Variants in STK38L observed in about 807,000 individuals in gnomAD.
STK38L encodes the protein serine/threonine-protein kinase 38-like.
A neutral mutation model predicts 59.7 loss-of-function variants in STK38L; 28 were observed. That is an observed-to-expected ratio of 0.47 (90% CI 0.35 to 0.64). The LOEUF (loss-of-function observed/expected upper bound fraction) is 0.64. Ranked by LOEUF, STK38L falls within the 30% of genes least tolerant of loss-of-function variation. The probability of loss-of-function intolerance (pLI) is 0.01; values close to 1 mark genes in which losing one functional copy is unlikely to be tolerated. For synonymous variants in STK38L, 162 were observed against 176.8 expected, an observed-to-expected ratio of 0.92 and a Z score of 0.66; for missense variants, 314 against 555.8, an observed-to-expected ratio of 0.56 and a Z score of 4.37.
Position 27,324,262 on chromosome 12 carries a change from C to T in STK38L, c.*1807C>T, listed in dbSNP as rs1944793924. The stretch of plus-strand genomic sequence containing the variant: ...GAGCTATTAAAAACTGGGGATTTCT[C>T]AATGTGACTAACTCTAATTTTTCTA... On this transcript the variant is annotated 3_prime_UTR_variant, in exon 14 of 14. Coordinates refer to ENST00000389032, the MANE Select transcript of STK38L (RefSeq NM_015000.4). 6.6e-6 allele frequency: 1 copy of T among 152,026 alleles called. No individual in the cohort carries two copies. The highest frequency in any genetic ancestry group is 2.1e-4 in the South Asian group (1 of 4,818). The allele number at this position is 152,026 out of a possible 1,614,324, so 9.4% of individuals were successfully genotyped here.
In STK38L at chr12:27,297,743, C is replaced by T; in HGVS notation, c.23C>T (p.Thr8Ile). MAMTAGT[T>I]TTFPMSNHTR... ...ACTATGGCAATGACGGCAGGGACTA[C>T]AACAACCTTTCCTATGAGCAACCAT... Residue 8 changes from threonine to isoleucine, a missense_variant, in exon 2 of 14, where the codon ACA (threonine) becomes ATA (isoleucine). Coordinates refer to ENST00000389032, the MANE Select transcript of STK38L (RefSeq NM_015000.4). 13 of 1,613,938 alleles carry T rather than the reference C, an allele frequency of 8.1e-6. No homozygotes were observed. The highest frequency in any genetic ancestry group is 1.1e-5 in the South Asian group (1 of 91,058).
chr12:27,315,073 C>T lies in STK38L; in HGVS notation c.731C>T (p.Thr244Ile). Residue 244 changes from threonine (T) to isoleucine (I), a missense_variant, in exon 8 of 14, where the codon ACT (threonine) becomes ATT (isoleucine). Thr to Ile is a moderately conservative substitution (Grantham distance 89). This residue lies in a region of STK38L where 192 missense variants were observed against 316.9 expected (regional missense o/e 0.61). Coordinates refer to ENST00000389032, the MANE Select transcript of STK38L (RefSeq NM_015000.4). ...ACGGGATTAAAGAAAGCTCACAGGA[C>T]TGAATTTTATAGAAATCTCACACAC... ...LCTGLKKAHR[T>I]EFYRNLTHNP... 1 of 1,613,578 alleles carries T rather than the reference C, an allele frequency of 6.2e-7. No homozygotes were observed.
In STK38L at chr12:27,322,445, G is replaced by A; in HGVS notation, c.1385G>A (p.Gly462Glu). ...TCTATCCCCACCTACATGAAAGCTGGGAAGTTATGAATGAAGATAACATTC... is the reference window on the plus strand; with the variant it reads ...TCTATCCCCACCTACATGAAAGCTGAGAAGTTATGAATGAAGATAACATTC... ...RGSIPTYMKA[G>E]KL is the part of the protein sequence containing the mutation. The change falls in exon 14 of 14, where the codon GGG becomes GAG. Residue 462 changes from glycine to glutamate, a missense_variant. Coordinates refer to ENST00000389032, the MANE Select transcript of STK38L (RefSeq NM_015000.4). 2 of 1,612,338 alleles carry A rather than the reference G, an allele frequency of 1.2e-6. No homozygotes were observed. The highest frequency in any genetic ancestry group is 1.7e-5 in the Admixed American group (1 of 59,666).
intron 1 of STK38L, among the ~76,000 whole-genome samples, chr12:27,264,923 A>G (rs962082992): frequency 1.3e-5 from 2 of 152,208 alleles, no homozygotes; most frequent in African/African-American, 4.8e-5. Flanking sequence ...ACATAGGACT[A>G]GGAAATTCAG....
chr12:27,260,771 C>T (rs1022295950), intron 1 of STK38L, among the ~76,000 whole-genome samples: 23 of 152,124 alleles, frequency 1.5e-4, no homozygotes, highest in Admixed American at 1.3e-3. Flanking sequence ...TCCATCCCCT[C>T]GCCCCACTAG....
intron 1 of STK38L, chr12:27,245,755 A>T (rs975559743): frequency 3.9e-5 from 6 of 152,078 alleles, no homozygotes; most frequent in African/African-American, 1.2e-4. Flanking sequence ...TTATTGCATA[A>T]GTTCATCAAA....
At chr12:27,247,583 C>T (rs1342199987) in intron 1 of STK38L, among the ~76,000 whole-genome samples, 2 of 152,102 alleles carry the variant, frequency 1.3e-5, no homozygotes, top group Admixed American at 1.3e-4. Flanking sequence ...TGACTTATTA[C>T]CTATAAGTAC....
In STK38L at chr12:27,309,214, A is replaced by C. The variant is rs1449236497; in HGVS notation, c.393+17A>C. Reference sequence around the variant, plus strand: ...AAAGAGCAGGTATGAGTTCTTTAACACATGTAATATAAAGGAGCATCCACT... The same window carrying C: ...AAAGAGCAGGTATGAGTTCTTTAACCCATGTAATATAAAGGAGCATCCACT... On this transcript the variant is annotated intron_variant, in intron 5 of 13. Transcript: ENST00000389032. 1.3e-6 allele frequency: 2 copies of C among 1,565,790 alleles called. No individual in the cohort carries two copies. Among genetic ancestry groups the C allele is most frequent in the Non-Finnish European group, 1.7e-6 (2 of 1,149,588 alleles).
chr12:27,315,185 C>T, intron 8 of STK38L, 68 bp downstream of exon 8: 1 of 1,572,660 alleles, frequency 6.4e-7, no homozygotes, highest in Non-Finnish European at 8.7e-7. Flanking sequence ...AGGTTCTTTC[C>T]CTTTCCCCAC....
intron 12 of STK38L, among the ~76,000 whole-genome samples, chr12:27,319,962 C>G (rs530097063): frequency 6.6e-6 from 1 of 152,290 alleles, no homozygotes; most frequent in South Asian, 2.1e-4. Context: ...CTGGCCATGC[C>G]ACTTTCCTGT....
chr12:27,284,367 C>A (rs1943724519), intron 1 of STK38L, among the ~76,000 whole-genome samples: 1 of 152,164 alleles, frequency 6.6e-6, no homozygotes, highest in Non-Finnish European at 1.5e-5. Context: ...TTGGGCCTCA[C>A]TTCCATAAAA....
Position 27,325,536 on chromosome 12 carries a change from C to T in STK38L, c.*3081C>T, listed in dbSNP as rs537860788. The T allele has an allele frequency of 1.3e-5, 2 of 152,264 alleles. No individual in the cohort carries two copies. Among genetic ancestry groups the T allele is most frequent in the Admixed American group, 1.3e-4 (2 of 15,300 alleles). 9.4% of individuals were successfully genotyped at this position (152,264 alleles called of 1,614,324 possible). On this transcript the variant is annotated 3_prime_UTR_variant, in exon 14 of 14. Coordinates refer to ENST00000389032, the MANE Select transcript of STK38L (RefSeq NM_015000.4). ...CATAGAGGTCCCTGGCTACCAAACA[C>T]ATTCTCCTTTGAATTGTTAAAATTC...
intron 1 of STK38L, among the ~76,000 whole-genome samples, chr12:27,248,159 G>A (rs116459200): frequency 1.3e-5 from 2 of 152,258 alleles, no homozygotes; most frequent in African/African-American, 4.8e-5. Flanking sequence ...TAGTTTTTGG[G>A]TTGAATTATG....
At chr12:27,279,865 T>A (rs990335997) in intron 1 of STK38L, among the ~76,000 whole-genome samples, 12 of 152,046 alleles carry the variant, frequency 7.9e-5, no homozygotes, top group Admixed American at 3.9e-4. Context: ...CTTACACATT[T>A]AAAAAATAAA....
chr12:27,314,858 T>A (rs1310738472), intron 7 of STK38L, among the ~76,000 whole-genome samples, 157 bp from the exon 8 acceptor site: 1 of 152,190 alleles, frequency 6.6e-6, no homozygotes, highest in South Asian at 2.1e-4. Flanking sequence ...TTTTCTACTT[T>A]TAAAAATCAT....
At chr12:27,258,082 C>T (rs1056301846) in intron 1 of STK38L, among the ~76,000 whole-genome samples, 2 of 151,912 alleles carry the variant, frequency 1.3e-5, no homozygotes, top group Admixed American at 1.3e-4. Flanking sequence ...GTCTCGAATT[C>T]CTGACCTCAA....
At chr12:27,294,282 G>A (rs1943960107) in intron 1 of STK38L, among the ~76,000 whole-genome samples, 1 of 151,928 alleles carries the variant, frequency 6.6e-6, no homozygotes. Flanking sequence ...CACTTTGGGA[G>A]GCCAAGGCAG....
Position 27,308,351 on chromosome 12 carries a change from C to A in STK38L, c.199C>A (p.Arg67=). Residue 67 remains arginine (R), a synonymous_variant, in exon 4 of 14, where the codon CGA becomes AGA. Transcript: ENST00000389032. The surrounding 1 kb of genome is among the most constrained non-coding windows in gnomAD (Gnocchi z 4.5). Reference sequence around the variant, plus strand: ...TTTTTTTTAATAGAAAAAGTTACGTCGATCACAACACGCTCGCAAAGAAAC... The same window carrying A: ...TTTTTTTTAATAGAAAAAGTTACGTAGATCACAACACGCTCGCAAAGAAAC... The part of the protein sequence containing the change: ...GLADEEKKLR[R]SQHARKETEF... The A allele has an allele frequency of 6.4e-7, 1 of 1,556,018 alleles. No homozygotes were observed. The highest frequency in any genetic ancestry group is 8.7e-7 in the Non-Finnish European group (1 of 1,153,182).
chr12:27,267,095 A>C (rs1388787649), intron 1 of STK38L, among the ~76,000 whole-genome samples: 2 of 152,202 alleles, frequency 1.3e-5, no homozygotes, highest in Non-Finnish European at 2.9e-5. Context: ...TTTTATAAAT[A>C]GTTACTTTCC....
Sources: gnomAD v4.1 joint callset for allele counts (sites outside exome capture counted in the v4.1 genomes callset) on GRCh38, gnomAD v4.1.1 for gene constraint, gnomAD v4.1.1 regional missense constraint, Gnocchi (gnomAD v3.1) non-coding constraint, MANE v1.5 for transcripts, NCBI Gene and HGNC (gene_info 2026-07-23, HGNC 2026-07-21) for gene names.